The following ATRN variants were observed in gnomAD, a reference collection of about 807,000 sequenced individuals.
The protein encoded by ATRN is attractin-2.
A neutral mutation model predicts 178.7 loss-of-function variants in ATRN; 54 were observed. The observed-to-expected ratio is 0.30, with a 90% CI of 0.24 to 0.38. The LOEUF (loss-of-function observed/expected upper bound fraction) is 0.38. ATRN is among the 10% of genes least tolerant of loss of function. The probability of loss-of-function intolerance (pLI) is 1.00; values close to 1 mark genes in which losing one functional copy is unlikely to be tolerated. For missense variants in ATRN, 1,443 were observed against 1,815.1 expected, an observed-to-expected ratio of 0.79 and a Z score of 3.73; for synonymous variants, 636 against 663.0, an observed-to-expected ratio of 0.96 and a Z score of 0.63.
rs2086221774 is a variant in ATRN, at chr20:3,577,010, G to A, written c.2353+13G>A. 1 of 1,613,240 alleles carries A rather than the reference G, an allele frequency of 6.2e-7. No homozygotes were observed. On this transcript the variant is annotated intron_variant, in intron 14 of 28. Coordinates refer to ENST00000262919, the MANE Select transcript of ATRN (RefSeq NM_139321.3). ...ATTGCCCTGCCCGGTAGGCCTTGCA[G>A]GGTCATCTTGGTGTGTGTGGGTCCA...
intron 2 of ATRN, among the ~76,000 whole-genome samples, chr20:3,537,202 A>G (rs1047980154): frequency 6.6e-6 from 1 of 152,228 alleles, no homozygotes; most frequent in Non-Finnish European, 1.5e-5. Context: ...CCAAAATTCT[A>G]ATTACTACTT....
At chr20:3,475,825 A>T (rs1447658555) in intron 1 of ATRN, among the ~76,000 whole-genome samples, 2 of 152,250 alleles carry the variant, frequency 1.3e-5, no homozygotes, top group African/African-American at 4.8e-5. Flanking sequence ...CACTTATCAG[A>T]CATCTGTTTT....
chr20:3,583,794 G>A (rs1369639816), intron 16 of ATRN, 104 bp from the exon 17 acceptor site: 20 of 1,198,262 alleles, frequency 1.7e-5, no homozygotes, highest in Non-Finnish European at 2.4e-5. Context: ...GAGACAGAGT[G>A]AGACTCCGTC....
intron 17 of ATRN, 120 bp downstream of exon 17, chr20:3,584,203 G>A: frequency 9.1e-7 from 1 of 1,098,358 alleles, no homozygotes. Flanking sequence ...CATGACCTCT[G>A]CTCAAACCTG....
At chr20:3,472,106 C>T (rs1004122629) in intron 1 of ATRN, among the ~76,000 whole-genome samples, 1 of 152,174 alleles carries the variant, frequency 6.6e-6, no homozygotes, top group African/African-American at 2.4e-5. Flanking sequence ...CTGGAGGTGG[C>T]AAATTGGAAT....
chr20:3,495,560 C>T (rs1021473565), intron 1 of ATRN, among the ~76,000 whole-genome samples: 1 of 151,952 alleles, frequency 6.6e-6, no homozygotes, highest in Non-Finnish European at 1.5e-5. Flanking sequence ...AGCAGGTTAG[C>T]GATTTGGTCA....
chr20:3,500,132 A>G (rs1444255316), intron 1 of ATRN, among the ~76,000 whole-genome samples: 1 of 152,196 alleles, frequency 6.6e-6, no homozygotes, highest in Non-Finnish European at 1.5e-5. Flanking sequence ...AACCACAATG[A>G]GATACCATCT....
intron 1 of ATRN, among the ~76,000 whole-genome samples, chr20:3,507,157 A>G (rs2085056737): frequency 6.6e-6 from 1 of 151,836 alleles, no homozygotes; most frequent in Admixed American, 6.6e-5. Flanking sequence ...CTGTAATCCC[A>G]GCATTTTGGG....
rs1030074017 is a variant in ATRN, at chr20:3,541,367, G to A, written c.608+1032G>A. Among the ~76,000 whole-genome samples the A allele has an allele frequency of 1.9e-4, 29 of 152,284 alleles. 1 individual carries two copies. The highest frequency in any genetic ancestry group is 5.5e-4 in the African/African-American group (23 of 41,562). ...GCTGGGATTACAGGCGTGAGCCACC[G>A]CGCCCGGCCTAGAGGATTTTAAGAT... On this transcript the variant is annotated intron_variant, in intron 3 of 28. Transcript: ENST00000262919.
intron 20 of ATRN, among the ~76,000 whole-genome samples, chr20:3,596,003 G>T (rs951408396): frequency 6.6e-6 from 1 of 152,178 alleles, no homozygotes; most frequent in South Asian, 2.1e-4. Context: ...TTTATCCAGG[G>T]AACATAGGAA....
At chr20:3,596,483 C>G in intron 21 of ATRN, 54 bp downstream of exon 21, 1 of 1,521,810 alleles carries the variant, frequency 6.6e-7, no homozygotes, top group Non-Finnish European at 9.1e-7. Flanking sequence ...AGTAAAACTT[C>G]ATTGTTTAAA....
chr20:3,614,286 T>C (rs1485269253), intron 24 of ATRN, among the ~76,000 whole-genome samples: 2 of 152,034 alleles, frequency 1.3e-5, no homozygotes, highest in African/African-American at 2.4e-5. Flanking sequence ...GCTATGTCCA[T>C]AGTTTGGGGG....
intron 5 of ATRN, among the ~76,000 whole-genome samples, chr20:3,547,758 T>A (rs2085727364): frequency 6.6e-6 from 1 of 152,160 alleles, no homozygotes; most frequent in Admixed American, 6.6e-5. Flanking sequence ...CATAAAAGGA[T>A]GTAGCAGAGA....
chr20:3,583,059 T>C (rs1266173083), intron 16 of ATRN, among the ~76,000 whole-genome samples: 2 of 152,216 alleles, frequency 1.3e-5, no homozygotes, highest in Admixed American at 6.5e-5. Flanking sequence ...TCCATTTGCA[T>C]TGTGTCCAAT....
intron 1 of ATRN, among the ~76,000 whole-genome samples, chr20:3,487,066 T>G (rs886783280): frequency 2.0e-5 from 3 of 152,210 alleles, no homozygotes; most frequent in African/African-American, 7.2e-5. Flanking sequence ...GTTCACAAAT[T>G]CTCACTTTAA....
At chr20:3,621,703 G>A (rs6051977) in intron 24 of ATRN, among the ~76,000 whole-genome samples, 27,330 of 151,958 alleles carry the variant, frequency 0.18, 5,216 homozygotes, top group African/African-American at 0.49. Flanking sequence ...CTATTTCACC[G>A]TTTCCATAAT....
chr20:3,476,157 G>A, intron 1 of ATRN, among the ~76,000 whole-genome samples: 1 of 152,084 alleles, frequency 6.6e-6, no homozygotes. Flanking sequence ...AAAAAACAAA[G>A]CAAAACAAAA....
intron 1 of ATRN, chr20:3,489,846 T>C: frequency 8.0e-7 from 1 of 1,254,334 alleles, no homozygotes; most frequent in Admixed American, 1.7e-5. Flanking sequence ...ATGAAGCTTA[T>C]ATAGCCAGTA....
chr20:3,573,200 CT>C (rs1313559637), intron 12 of ATRN, among the ~76,000 whole-genome samples: 1 of 152,118 alleles, frequency 6.6e-6, no homozygotes, highest in Non-Finnish European at 1.5e-5. Context: ...ATTGCATAGG[CT>C]TTGCATACTG....
Sources: gnomAD v4.1 joint callset for allele counts (sites outside exome capture counted in the v4.1 genomes callset) on GRCh38, gnomAD v4.1.1 for gene constraint, MANE v1.5 for transcripts, NCBI Gene and HGNC (gene_info 2026-07-23, HGNC 2026-07-21) for gene names.